FAM184B: variants seen among roughly 807,000 people sequenced by gnomAD.
The protein encoded by FAM184B is family with sequence similarity 184 member B.
Under a neutral mutation model 135.9 loss-of-function variants are expected in FAM184B, and 111 were observed. The ratio of observed to expected loss-of-function variants is 0.82; its 90% CI spans 0.70 to 0.96. The LOEUF (loss-of-function observed/expected upper bound fraction) is 0.96, where lower values mean the gene tolerates loss of function less well. Among genes scored for constraint, FAM184B ranks in the 40% least tolerant of loss-of-function variants. The pLI is 0.00. For missense variants in FAM184B, 1,375 were observed against 1,323.9 expected (o/e 1.04, Z -0.60); for synonymous variants, 552 against 524.8 (o/e 1.05, Z -0.71).
chr4:17,660,550 T>C (rs1715893042), intron 8 of FAM184B, among the ~76,000 whole-genome samples: 1 of 152,110 alleles, frequency 6.6e-6, no homozygotes, highest in Non-Finnish European at 1.5e-5. Context: ...GTCACACATT[T>C]TACTGGTGTC....
chr4:17,746,445 C>T (rs905412833), intron 1 of FAM184B, among the ~76,000 whole-genome samples: 1 of 151,788 alleles, frequency 6.6e-6, no homozygotes, highest in Non-Finnish European at 1.5e-5. Flanking sequence ...AAGTAGATTC[C>T]TTTGGCAGGG....
At chr4:17,733,950 C>A (rs1717848727) in intron 1 of FAM184B, among the ~76,000 whole-genome samples, 1 of 152,080 alleles carries the variant, frequency 6.6e-6, no homozygotes, top group East Asian at 1.9e-4. Flanking sequence ...GCTACAGTAA[C>A]CAAAACAGCA....
intron 1 of FAM184B, among the ~76,000 whole-genome samples, chr4:17,767,160 G>C (rs1377799640): frequency 6.6e-6 from 1 of 152,176 alleles, no homozygotes; most frequent in Admixed American, 6.5e-5. Flanking sequence ...AGGGCTGCAG[G>C]CAGCCCAGGT....
At chr4:17,718,392 T>C (rs1320623439) in intron 1 of FAM184B, among the ~76,000 whole-genome samples, 1 of 152,198 alleles carries the variant, frequency 6.6e-6, no homozygotes, top group Non-Finnish European at 1.5e-5. Flanking sequence ...TTTTGCAGCA[T>C]TTCCTATATG....
At chr4:17,765,201 G>A (rs1194136312) in intron 1 of FAM184B, among the ~76,000 whole-genome samples, 1 of 152,188 alleles carries the variant, frequency 6.6e-6, no homozygotes, top group East Asian at 1.9e-4. Context: ...TAGTTACCGA[G>A]TCAGGACCTC....
chr4:17,655,837 C>T (rs1446761391), intron 10 of FAM184B, among the ~76,000 whole-genome samples: 1 of 152,228 alleles, frequency 6.6e-6, no homozygotes, highest in Non-Finnish European at 1.5e-5. Flanking sequence ...CTCAGCCATG[C>T]ACTGTTCTAA....
At chr4:17,721,779 G>C (rs1156294395) in intron 1 of FAM184B, among the ~76,000 whole-genome samples, 1 of 152,208 alleles carries the variant, frequency 6.6e-6, no homozygotes, top group African/African-American at 2.4e-5. Context: ...CTGATGTGGA[G>C]AGTCTGGGGG....
rs145267111 is a variant in FAM184B, at chr4:17,643,214, A to G, written c.2347-986T>C. Among the ~76,000 whole-genome samples, 297 of 152,342 alleles carry G rather than the reference A, an allele frequency of 1.9e-3. 1 individual carries two copies. The highest frequency in any genetic ancestry group is 6.9e-3 in the African/African-American group (286 of 41,580). On this transcript the variant is annotated intron_variant, in intron 12 of 17. Coordinates refer to ENST00000265018, the MANE Select transcript of FAM184B (RefSeq NM_015688.2). ...TCTGGGTGGGAGAGATATGAGAATT[A>G]GATCCCAGTAGGACAGACTCCACTT... is the stretch of plus-strand genomic sequence containing the variant.
In FAM184B at chr4:17,636,659, G is replaced by A; in HGVS notation, c.2667-14C>T. 1.3e-6 allele frequency: 2 copies of A among 1,535,342 alleles called. No individual in the cohort carries two copies. Among genetic ancestry groups the A allele is most frequent in the Non-Finnish European group, 1.8e-6 (2 of 1,138,338 alleles). On this transcript the variant is annotated splice_polypyrimidine_tract_variant and intron_variant, in intron 14 of 17. Transcript: ENST00000265018. ...GAATCTTTCAGTCTGTTCCAAGCAG[G>A]CATGCAGTCAAGTCCCCCTTACAGC...
chr4:17,765,577 G>A (rs536204517), intron 1 of FAM184B, among the ~76,000 whole-genome samples: 2 of 152,322 alleles, frequency 1.3e-5, no homozygotes, highest in African/African-American at 4.8e-5. Context: ...ATAAAAAACA[G>A]TAGAAGCTCT....
At chr4:17,686,810 C>T (rs757961491) in intron 7 of FAM184B, among the ~76,000 whole-genome samples, 1 of 152,114 alleles carries the variant, frequency 6.6e-6, no homozygotes, top group Non-Finnish European at 1.5e-5. Flanking sequence ...GGCCTGGTGG[C>T]ATGCACATGA....
chr4:17,631,291 G>A lies in FAM184B; in HGVS notation c.*1241C>T, dbSNP rs1453874023. On this transcript the variant is annotated 3_prime_UTR_variant, in exon 18 of 18. Transcript: ENST00000265018. ...GGTCTCGAACTCTTGGGCTCATGCTGTCCTACCTCAGACTTCCAAGTAGCT... is the reference window on the plus strand; with the variant it reads ...GGTCTCGAACTCTTGGGCTCATGCTATCCTACCTCAGACTTCCAAGTAGCT... 6.6e-6 allele frequency: 1 copy of A among 151,962 alleles called. No individual in the cohort carries two copies. Among genetic ancestry groups the A allele is most frequent in the Non-Finnish European group, 1.5e-5 (1 of 68,050 alleles). The allele number at this position is 151,962 out of a possible 1,614,324, so 9.4% of individuals were successfully genotyped here. A position where few individuals can be genotyped will look rare whatever the true frequency, so the allele number is the denominator to read the frequency against.
Position 17,639,271 on chromosome 4 carries a change from C to G in FAM184B, c.2645G>C (p.Arg882Pro). The change falls in exon 14 of 18, where the codon CGG (arginine) becomes CCG (proline). Residue 882 changes from arginine (R) to proline (P), a missense_variant. Arg to Pro is a moderately radical substitution (Grantham distance 103). Coordinates refer to ENST00000265018, the MANE Select transcript of FAM184B (RefSeq NM_015688.2). ...TTACTCGGCTTCCAGGGCAGCCAGCCGGGCCTGGAGCTGGGCCTGGGCACT... is the reference window on the plus strand; with the variant it reads ...TTACTCGGCTTCCAGGGCAGCCAGCGGGGCCTGGAGCTGGGCCTGGGCACT... ...FSSAQAQLQA[R>P]LAALEAELKD... is the part of the protein sequence containing the mutation. 1 of 1,551,686 alleles carries G rather than the reference C, an allele frequency of 6.4e-7. No individual in the cohort carries two copies. The highest frequency in any genetic ancestry group is 8.7e-7 in the Non-Finnish European group (1 of 1,146,992).
intron 5 of FAM184B, among the ~76,000 whole-genome samples, chr4:17,695,599 G>A (rs1203972383): frequency 1.3e-5 from 2 of 152,130 alleles, no homozygotes; most frequent in South Asian, 2.1e-4. Flanking sequence ...TGTGGTGGCA[G>A]TGCAGCTGGG....
chr4:17,699,171 GA>G, intron 5 of FAM184B, among the ~76,000 whole-genome samples: 1 of 152,056 alleles, frequency 6.6e-6, no homozygotes. Context: ...AAAGAAAGAT[GA>G]GTAAACTTGA....
intron 1 of FAM184B, among the ~76,000 whole-genome samples, chr4:17,766,759 G>C (rs549359962): frequency 6.6e-6 from 1 of 152,226 alleles, no homozygotes; most frequent in Non-Finnish European, 1.5e-5. Context: ...AGAGGATCCC[G>C]CACCGGGGCA....
At chr4:17,710,058 G>A (rs749156467) in intron 1 of FAM184B, among the ~76,000 whole-genome samples, 7 of 152,138 alleles carry the variant, frequency 4.6e-5, no homozygotes, top group Non-Finnish European at 1.0e-4. Flanking sequence ...AGGTGCGGTG[G>A]CTCACGGCTG....
intron 1 of FAM184B, among the ~76,000 whole-genome samples, chr4:17,747,920 C>CAAAAAAAAAAAAAAA: frequency 4.6e-5 from 1 of 21,704 alleles, no homozygotes; most frequent in Admixed American, 9.5e-4. Flanking sequence ...GACTCTGTCT[C>CAAAAAAAAAAAAAAA]AAAAAAAAAA....
intron 7 of FAM184B, among the ~76,000 whole-genome samples, chr4:17,681,963 A>C (rs1716452020): frequency 6.6e-6 from 1 of 152,226 alleles, no homozygotes; most frequent in Non-Finnish European, 1.5e-5. Flanking sequence ...TTAGTATTTA[A>C]GGAAATAGTT....
Sources: gnomAD v4.1 joint callset for allele counts (sites outside exome capture counted in the v4.1 genomes callset) on GRCh38, gnomAD v4.1.1 for gene constraint, MANE v1.5 for transcripts, NCBI Gene and HGNC (gene_info 2026-07-23, HGNC 2026-07-21) for gene names.